SPPL2A: variants seen among roughly 807,000 people sequenced by gnomAD.
The protein encoded by SPPL2A is signal peptide peptidase like 2A, also known as signal peptide peptidase-like 2A.
SPPL2A carries 51 observed loss-of-function variants against 63.8 expected under a neutral mutation model. That is an observed-to-expected ratio of 0.80 (90% confidence interval 0.64 to 1.01). The LOEUF is 1.01. SPPL2A is among the 50% of genes least tolerant of loss of function. The pLI is 0.00. For missense variants in SPPL2A, 553 were observed against 622.7 expected, an observed-to-expected ratio of 0.89 and a Z score of 1.19; for synonymous variants, 188 against 205.8, an observed-to-expected ratio of 0.91 and a Z score of 0.74.
intron 14 of SPPL2A, among the ~76,000 whole-genome samples, chr15:50,710,198 C>A (rs548069842): frequency 3.5e-4 from 53 of 152,174 alleles, no homozygotes; most frequent in African/African-American, 1.3e-3. Flanking sequence ...ATCTGCTTAC[C>A]CTGGCAACTG....
chr15:50,765,616 G>T lies in SPPL2A; in HGVS notation c.-83C>A. 1 of 987,648 alleles carries T rather than the reference G, an allele frequency of 1.0e-6. No homozygotes were observed. The highest frequency in any genetic ancestry group is 1.4e-6 in the Non-Finnish European group (1 of 739,674). 61.2% of individuals were successfully genotyped at this position (987,648 alleles called of 1,614,324 possible). A position where few individuals can be genotyped will look rare whatever the true frequency, so the allele number is the denominator to read the frequency against. ...AGGCTCGGAGTCCCGCCGCTGCGCT[G>T]CCTCCGTGGCCGGACCGGACCGGAC... On this transcript the variant is annotated 5_prime_UTR_variant, in exon 1 of 15. Coordinates refer to ENST00000261854, the MANE Select transcript of SPPL2A (RefSeq NM_032802.4).
chr15:50,759,853 A>G (rs1210251185), intron 1 of SPPL2A, among the ~76,000 whole-genome samples: 1 of 152,178 alleles, frequency 6.6e-6, no homozygotes, highest in African/African-American at 2.4e-5. Context: ...GTGATCTAGG[A>G]TAAGTCATAA....
rs2062519352 is a variant in SPPL2A, at chr15:50,707,458, T to G, written c.*342A>C. 1 of 180,804 alleles carries G rather than the reference T, an allele frequency of 5.5e-6. No homozygotes were observed. Among genetic ancestry groups the G allele is most frequent in the Admixed American group, 5.9e-5 (1 of 16,840 alleles). The allele number at this position is 180,804 out of a possible 1,614,324, so 11.2% of individuals were successfully genotyped here. A position where few individuals can be genotyped will look rare whatever the true frequency, so the allele number is the denominator to read the frequency against. ...TACAGTAAAACCCATTCAGAAATAGTAACTACTTGTATCTACCATCAGAGC... is the reference window on the plus strand; with the variant it reads ...TACAGTAAAACCCATTCAGAAATAGGAACTACTTGTATCTACCATCAGAGC... On this transcript the variant is annotated 3_prime_UTR_variant, in exon 15 of 15. Coordinates refer to ENST00000261854, the MANE Select transcript of SPPL2A (RefSeq NM_032802.4).
chr15:50,748,551 TTA>T, intron 3 of SPPL2A, 135 bp downstream of exon 3: 1 of 625,316 alleles, frequency 1.6e-6, no homozygotes, highest in East Asian at 2.9e-5. Flanking sequence ...TAGATCTTGA[TTA>T]TTTATTTACA....
chr15:50,709,809 A>T (rs973780597), intron 14 of SPPL2A, among the ~76,000 whole-genome samples: 53 of 151,990 alleles, frequency 3.5e-4, no homozygotes, highest in Non-Finnish European at 6.2e-4. Context: ...TAAAAAAAAT[A>T]AAAAAATAAA....
chr15:50,765,396 GA>G, intron 1 of SPPL2A, 71 bp downstream of exon 1: 1 of 1,249,594 alleles, frequency 8.0e-7, no homozygotes, highest in Non-Finnish European at 1.1e-6. Context: ...AGGAGTAGGG[GA>G]AGGGAGCCCC....
intron 5 of SPPL2A, among the ~76,000 whole-genome samples, chr15:50,747,164 T>C (rs965159884): frequency 6.6e-6 from 1 of 152,174 alleles, no homozygotes; most frequent in East Asian, 1.9e-4. Context: ...CTCCCCACTT[T>C]CTCTTGCTTA....
intron 10 of SPPL2A, among the ~76,000 whole-genome samples, chr15:50,729,659 AAAG>A (rs891865149): frequency 6.6e-6 from 1 of 152,142 alleles, no homozygotes; most frequent in Non-Finnish European, 1.5e-5. Context: ...TTTGTGTCTC[AAAG>A]AAGAGGAAAA....
intron 6 of SPPL2A, among the ~76,000 whole-genome samples, chr15:50,737,173 A>C (rs967357397): frequency 6.6e-6 from 1 of 152,086 alleles, no homozygotes; most frequent in Non-Finnish European, 1.5e-5. Flanking sequence ...TGGCCTCCAA[A>C]AGTGCTGGGA....
At chr15:50,754,260 C>A (rs1364289047) in intron 1 of SPPL2A, among the ~76,000 whole-genome samples, 2 of 152,126 alleles carry the variant, frequency 1.3e-5, no homozygotes, top group East Asian at 1.9e-4. Context: ...AACTGATGAA[C>A]CTCCATTGAC....
In SPPL2A at chr15:50,739,848, C is replaced by T; in HGVS notation, c.585-20G>A. The T allele has an allele frequency of 6.4e-7, 1 of 1,565,194 alleles. No homozygotes were observed. Among genetic ancestry groups the T allele is most frequent in the Non-Finnish European group, 8.6e-7 (1 of 1,163,736 alleles). On this transcript the variant is annotated intron_variant, in intron 5 of 14. Transcript: ENST00000261854. The stretch of plus-strand genomic sequence containing the variant: ...TTTTCCCTGTACAAACACACAGGAA[C>T]TTTAGCAAATCTTAGCCAAGTACAG...
At chr15:50,708,750 T>A (rs1479935486) in intron 14 of SPPL2A, among the ~76,000 whole-genome samples, 1 of 151,008 alleles carries the variant, frequency 6.6e-6, no homozygotes. Flanking sequence ...AAAGAAATTA[T>A]CAGCTGGGCA....
At chr15:50,755,949 G>T (rs2062954119) in intron 1 of SPPL2A, among the ~76,000 whole-genome samples, 1 of 151,972 alleles carries the variant, frequency 6.6e-6, no homozygotes, top group African/African-American at 2.4e-5. Flanking sequence ...TAAGCTCCTA[G>T]GTGATGCTGA....
intron 14 of SPPL2A, among the ~76,000 whole-genome samples, chr15:50,712,698 G>A (rs1470721827): frequency 1.9e-5 from 2 of 102,850 alleles, no homozygotes; most frequent in East Asian, 3.2e-4. Context: ...TTTTTTTCTC[G>A]AGGCGGAGTC....
intron 1 of SPPL2A, among the ~76,000 whole-genome samples, chr15:50,758,890 C>T (rs1195964973): frequency 4.6e-5 from 3 of 64,530 alleles, no homozygotes; most frequent in African/African-American, 1.5e-4. Flanking sequence ...ATAAGCATAT[C>T]TATCTATCTA....
Position 50,748,849 on chromosome 15 carries a change from G to A in SPPL2A, c.199C>T (p.Leu67=). 3 of 1,583,620 alleles carry A rather than the reference G, an allele frequency of 1.9e-6. No individual in the cohort carries two copies. The highest frequency in any genetic ancestry group is 4.6e-5 in the East Asian group (2 of 43,532). Reference sequence around the variant, plus strand: ...AGGTTGCATAGTGGTGTGGAAGTCAGATTCATCAAACTAATGGAAGTCTGA... The same window carrying A: ...AGGTTGCATAGTGGTGTGGAAGTCAAATTCATCAAACTAATGGAAGTCTGA... ...ENATSISLMN[L]TSTPLCNLSD... is the part of the protein sequence containing the mutation. Residue 67 remains leucine (L), a synonymous_variant, in exon 3 of 15, where the codon CTG becomes TTG. Coordinates refer to ENST00000261854, the MANE Select transcript of SPPL2A (RefSeq NM_032802.4).
intron 14 of SPPL2A, among the ~76,000 whole-genome samples, chr15:50,710,496 T>A (rs1005076263): frequency 6.6e-6 from 1 of 152,180 alleles, no homozygotes; most frequent in African/African-American, 2.4e-5. Context: ...AACAAAGTTT[T>A]AAAAAATATG....
rs1174307126 is a variant in SPPL2A, at chr15:50,749,739, G to A, written c.74C>T (p.Ala25Val). The A allele has an allele frequency of 6.2e-7, 1 of 1,609,420 alleles. No homozygotes were observed. Among genetic ancestry groups the A allele is most frequent in the East Asian group, 2.2e-5 (1 of 44,874 alleles). The change falls in exon 2 of 15, where the codon GCT becomes GTT. Residue 25 changes from alanine to valine, a missense_variant. Ala to Val is a moderately conservative substitution (Grantham distance 64). Coordinates refer to ENST00000261854, the MANE Select transcript of SPPL2A (RefSeq NM_032802.4). ...LWGFLLQLTAAQEAILHASGN... is the reference protein window; with the variant it reads ...LWGFLLQLTAVQEAILHASGN... ...AGACGCATGCAAGATTGCTTCCTGA[G>A]CGGCTGTCTAGGAGACAAACAATAA...
At chr15:50,764,046 A>AG (rs1158269814) in intron 1 of SPPL2A, among the ~76,000 whole-genome samples, 4 of 152,202 alleles carry the variant, frequency 2.6e-5, no homozygotes, top group African/African-American at 9.6e-5. Context: ...TTCTGGTGAG[A>AG]GGGCTCAGGG....
Sources: allele counts gnomAD v4.1 joint callset (sites outside exome capture counted in the v4.1 genomes callset), GRCh38; gene constraint gnomAD v4.1.1; transcripts MANE v1.5; gene names NCBI Gene and HGNC (gene_info 2026-07-23, HGNC 2026-07-21).